RHOBTB3: variants seen among roughly 807,000 people sequenced by gnomAD.
The protein encoded by RHOBTB3 is rho-related BTB domain-containing protein 3.
A neutral mutation model predicts 67.2 loss-of-function variants in RHOBTB3; 47 were observed. The ratio of observed to expected loss-of-function variants is 0.70; its 90% confidence interval spans 0.55 to 0.89. The LOEUF (loss-of-function observed/expected upper bound fraction) is 0.89. Among genes scored for constraint, RHOBTB3 ranks in the 40% least tolerant of loss-of-function variants. The probability of loss-of-function intolerance (pLI) is 0.00; values close to 1 mark genes in which losing one functional copy is unlikely to be tolerated. For synonymous variants in RHOBTB3, 273 were observed against 274.2 expected, an observed-to-expected ratio of 1.00 and a Z score of 0.04; for missense variants, 631 against 750.0, an observed-to-expected ratio of 0.84 and a Z score of 1.85.
intron 3 of RHOBTB3, among the ~76,000 whole-genome samples, chr5:95,741,521 C>CTTTTTTTTTTTTTTTTTTTTTTT (rs1561441040): frequency 1.3e-5 from 1 of 78,496 alleles, no homozygotes; most frequent in African/African-American, 4.4e-5. Context: ...TTCTTTCTTT[C>CTTTTTTTTTTTTTTTTTTTTTTT]TGTTTTTTTT....
At chr5:95,777,443 A>G (rs553432681) in intron 8 of RHOBTB3, among the ~76,000 whole-genome samples, 1 of 152,344 alleles carries the variant, frequency 6.6e-6, no homozygotes, top group South Asian at 2.1e-4. Context: ...TTTTCCTTAG[A>G]AAAAAATTCT....
In RHOBTB3 at chr5:95,755,601, C is replaced by T. The variant is rs529193478; in HGVS notation, c.888C>T (p.Ser296=). ...NVKSPTDIQD[S]SIIRTTQDLF... ...AGAGTCCCACTGACATTCAGGATTC[C>T]AGTATCATCCGAACTACCCAGGATC... Residue 296 remains serine (S), a synonymous_variant, in exon 6 of 12, where the codon TCC becomes TCT. Coordinates refer to ENST00000379982, the MANE Select transcript of RHOBTB3 (RefSeq NM_014899.4). 8 of 1,614,116 alleles carry T rather than the reference C, an allele frequency of 5.0e-6. No individual in the cohort carries two copies. In the African/African-American group the frequency reaches 5.3e-5, roughly 11 times the overall value.
rs1340523465 is a variant in RHOBTB3, at chr5:95,793,752, C to G, written c.*578C>G. ...TTTTCATCTGGACAACCCAATTGAGCCACTTTATCTCCTTTTGGCAATCTG... is the reference window on the plus strand; with the variant it reads ...TTTTCATCTGGACAACCCAATTGAGGCACTTTATCTCCTTTTGGCAATCTG... On this transcript the variant is annotated 3_prime_UTR_variant, in exon 12 of 12. Transcript: ENST00000379982. 8.1e-6 allele frequency: 2 copies of G among 247,278 alleles called. No individual in the cohort carries two copies. The highest frequency in any genetic ancestry group is 4.5e-5 in the African/African-American group (2 of 44,306). 15.3% of individuals were successfully genotyped at this position (247,278 alleles called of 1,614,324 possible). A position where few individuals can be genotyped will look rare whatever the true frequency, so the allele number is the denominator to read the frequency against.
intron 11 of RHOBTB3, among the ~76,000 whole-genome samples, chr5:95,790,596 G>A (rs866787201): frequency 2.0e-5 from 3 of 152,158 alleles, no homozygotes; most frequent in Admixed American, 6.5e-5. Flanking sequence ...TGCGATGTGA[G>A]GTGGCAGGCT....
chr5:95,731,248 TGCTGCGCCCGGTCC>T (rs1755229033), upstream of RHOBTB3: 1 of 1,003,946 alleles, frequency 1.0e-6, no homozygotes, highest in East Asian at 1.1e-4. Flanking sequence ...GGCTGGCACG[TGCTGCGCCCGGTCC>T]GCTGAGGGGG....
chr5:95,790,887 C>T (rs1746363190), intron 11 of RHOBTB3, among the ~76,000 whole-genome samples: 1 of 152,006 alleles, frequency 6.6e-6, no homozygotes, highest in Non-Finnish European at 1.5e-5. Context: ...TTAAAAATAA[C>T]CATATTTTGG....
intron 8 of RHOBTB3, among the ~76,000 whole-genome samples, chr5:95,777,578 T>C (rs1174916043): frequency 6.6e-6 from 1 of 152,262 alleles, no homozygotes; most frequent in Non-Finnish European, 1.5e-5. Flanking sequence ...TTTCTTTACC[T>C]GTATCCTATT....
intron 6 of RHOBTB3, 67 bp downstream of exon 6, chr5:95,755,828 C>T (rs1226320985): frequency 2.0e-6 from 3 of 1,525,394 alleles, no homozygotes; most frequent in Non-Finnish European, 1.8e-6. Context: ...GTGCCTGTGA[C>T]ACTCAAGGGT....
At chr5:95,783,721 T>G in intron 9 of RHOBTB3, 76 bp from the exon 10 acceptor site, 1 of 1,252,600 alleles carries the variant, frequency 8.0e-7, no homozygotes, top group Non-Finnish European at 1.1e-6. Flanking sequence ...TGTTGTTTTT[T>G]GTTGGTGGGG....
At chr5:95,785,705 T>C (rs1220990178) in intron 10 of RHOBTB3, among the ~76,000 whole-genome samples, 1 of 152,242 alleles carries the variant, frequency 6.6e-6, no homozygotes, top group Non-Finnish European at 1.5e-5. Flanking sequence ...AAATTCTTTC[T>C]AGTAGTTTCA....
chr5:95,785,786 T>C (rs1024402670), intron 10 of RHOBTB3, among the ~76,000 whole-genome samples: 14 of 152,220 alleles, frequency 9.2e-5, no homozygotes, highest in Admixed American at 6.5e-5. Context: ...TTTAAAAAAT[T>C]GGACACAAGT....
At chr5:95,759,540 T>C (rs1435389701) in intron 6 of RHOBTB3, among the ~76,000 whole-genome samples, 1 of 152,252 alleles carries the variant, frequency 6.6e-6, no homozygotes, top group Non-Finnish European at 1.5e-5. Flanking sequence ...TAAACATTTA[T>C]TGCTTTGTTT....
chr5:95,722,796 T>C (rs545896465), intron 1 of RHOBTB3, among the ~76,000 whole-genome samples: 27 of 152,330 alleles, frequency 1.8e-4, no homozygotes, highest in East Asian at 1.3e-3. Flanking sequence ...AAGAGTCTTA[T>C]CGCTTTTCAA....
intron 8 of RHOBTB3, among the ~76,000 whole-genome samples, chr5:95,773,613 G>C (rs776013045): frequency 2.6e-5 from 4 of 152,238 alleles, no homozygotes; most frequent in Non-Finnish European, 5.9e-5. Context: ...GAACCACACA[G>C]ATAACAAGAG....
In RHOBTB3 at chr5:95,731,547, C is replaced by T. The variant is rs937117090; in HGVS notation, c.-136C>T. 2.4e-5 allele frequency: 34 copies of T among 1,436,864 alleles called. No homozygotes were observed. In the South Asian group the frequency reaches 4.4e-4, roughly 19 times the overall value. The allele number at this position is 1,436,864 out of a possible 1,614,324, so 89.0% of individuals were successfully genotyped here. A position where few individuals can be genotyped will look rare whatever the true frequency, so the allele number is the denominator to read the frequency against. ...CCCCGGCCCCGCTCTGCGTCGGCCC[C>T]GCCGCGGTGGAGGCGCGCGAGGGGG... is the stretch of plus-strand genomic sequence containing the variant. On this transcript the variant is annotated 5_prime_UTR_variant, in exon 1 of 12. Transcript: ENST00000379982.
At position 95,796,360 on chromosome 5, in the gene RHOBTB3, A is replaced by G. The variant is rs1746559226; in HGVS notation, c.*3186A>G. The G allele has an allele frequency of 6.6e-6, 1 of 152,214 alleles. No homozygotes were observed. The highest frequency in any genetic ancestry group is 2.4e-5 in the African/African-American group (1 of 41,460). The allele number at this position is 152,214 out of a possible 1,614,324, so 9.4% of individuals were successfully genotyped here. A position where few individuals can be genotyped will look rare whatever the true frequency, so the allele number is the denominator to read the frequency against. On this transcript the variant is annotated 3_prime_UTR_variant, in exon 12 of 12. Coordinates refer to ENST00000379982, the MANE Select transcript of RHOBTB3 (RefSeq NM_014899.4). ...GTAACAAATAAACCTTTTTTAAAAC[A>G]AGTTTAACGAAGTGTCCTGTAATTA...
intron 3 of RHOBTB3, among the ~76,000 whole-genome samples, chr5:95,739,658 C>T (rs1755545669): frequency 1.3e-5 from 2 of 152,058 alleles, no homozygotes; most frequent in Admixed American, 6.5e-5. Context: ...TTGAACGATG[C>T]CCCCCACCTC....
At chr5:95,753,325 C>T (rs968140886) in intron 5 of RHOBTB3, among the ~76,000 whole-genome samples, 1 of 151,714 alleles carries the variant, frequency 6.6e-6, no homozygotes, top group South Asian at 2.1e-4. Context: ...GCAAAATCCA[C>T]GTGAGGGATA....
At chr5:95,751,538 G>T (rs1561444950) in intron 4 of RHOBTB3, 1 of 148,918 alleles carries the variant, frequency 6.7e-6, no homozygotes, top group African/African-American at 2.5e-5. Context: ...TTCCTTCCTT[G>T]AAAAAAAAAC....
Sources: gnomAD v4.1 joint callset for allele counts (sites outside exome capture counted in the v4.1 genomes callset) on GRCh38, gnomAD v4.1.1 for gene constraint, MANE v1.5 for transcripts, NCBI Gene and HGNC (gene_info 2026-07-23, HGNC 2026-07-21) for gene names.